The following RGS22 variants were observed in gnomAD, a reference collection of about 807,000 sequenced individuals.
RGS22 encodes regulator of G-protein signaling 22.
In RGS22, 148 loss-of-function variants were observed where a neutral mutation model predicts 172.9. That is an observed-to-expected ratio of 0.86 (90% CI 0.75 to 0.98). The LOEUF (loss-of-function observed/expected upper bound fraction) is 0.98. Among genes scored for constraint, RGS22 ranks in the 50% least tolerant of loss-of-function variants. The pLI is 0.00. For synonymous variants in RGS22, 458 were observed against 480.2 expected, an observed-to-expected ratio of 0.95 and a Z score of 0.60; for missense variants, 1,347 against 1,440.8, an observed-to-expected ratio of 0.93 and a Z score of 1.05.
intron 13 of RGS22, 137 bp from the exon 14 acceptor site, chr8:100,039,169 T>C: frequency 4.3e-6 from 2 of 465,222 alleles, no homozygotes; most frequent in Non-Finnish European, 7.6e-6. Flanking sequence ...GGTTTTAATC[T>C]TCTATCACAA....
chr8:100,013,752 C>T (rs1816664204), intron 14 of RGS22, among the ~76,000 whole-genome samples: 1 of 152,160 alleles, frequency 6.6e-6, no homozygotes, highest in Non-Finnish European at 1.5e-5. Flanking sequence ...ACCTTCAGCA[C>T]AATCTGAAGG....
intron 4 of RGS22, among the ~76,000 whole-genome samples, chr8:100,078,438 ATAT>A (rs1364102283): frequency 1.3e-5 from 2 of 150,388 alleles, no homozygotes; most frequent in Non-Finnish European, 3.0e-5. Flanking sequence ...TTAATCATAT[ATAT>A]TATATGATTA....
chr8:100,007,406 G>A (rs1173504517), intron 15 of RGS22, among the ~76,000 whole-genome samples: 2 of 152,108 alleles, frequency 1.3e-5, no homozygotes, highest in Non-Finnish European at 2.9e-5. Flanking sequence ...TTCAAGCATT[G>A]AGGCTTAAAA....
chr8:100,054,111 A>T (rs1050879217), intron 9 of RGS22, among the ~76,000 whole-genome samples: 8 of 152,188 alleles, frequency 5.3e-5, no homozygotes, highest in Non-Finnish European at 8.8e-5. Flanking sequence ...TATTAAGGCC[A>T]CACTTAATTG....
At chr8:100,053,122 A>G in intron 9 of RGS22, 146 bp from the exon 10 acceptor site, 2 of 705,476 alleles carry the variant, frequency 2.8e-6, no homozygotes, top group South Asian at 2.0e-5. Flanking sequence ...TCTCTACTAC[A>G]TAGCCTTGAA....
intron 17 of RGS22, among the ~76,000 whole-genome samples, chr8:100,003,434 GA>G (rs956408185): frequency 3.3e-5 from 5 of 151,856 alleles, no homozygotes; most frequent in South Asian, 4.2e-4. Flanking sequence ...ATATTAATAG[GA>G]AAAAAATATA....
Position 100,062,647 on chromosome 8 carries a change from ATTCCAC to A in RGS22, c.1452_1457del (p.Gln484_Asn486delinsHis). On this transcript the variant is annotated inframe_deletion, in exon 9 of 28. Coordinates refer to ENST00000360863, the MANE Select transcript of RGS22 (RefSeq NM_015668.5). Reference sequence around the variant, plus strand: ...ACTGAATATTTCTTAAATGCTCTTCATTCCACTGTGATCCATCTAACAGTTTAAATT... The same window carrying A: ...ACTGAATATTTCTTAAATGCTCTTCATGTGATCCATCTAACAGTTTAAATT... The A allele has an allele frequency of 1.2e-6, 2 of 1,606,834 alleles. No individual in the cohort carries two copies. The highest frequency in any genetic ancestry group is 8.5e-7 in the Non-Finnish European group (1 of 1,174,946).
chr8:100,091,294 CAAAAAAA>C, intron 3 of RGS22, among the ~76,000 whole-genome samples: 1 of 67,310 alleles, frequency 1.5e-5, no homozygotes, highest in South Asian at 4.7e-4. Context: ...AGAGGAACTC[CAAAAAAA>C]AAAAAAAAAG....
intron 8 of RGS22, 42 bp from the exon 9 acceptor site, chr8:100,062,794 T>C (rs1323755633): frequency 1.4e-6 from 2 of 1,477,364 alleles, no homozygotes; most frequent in South Asian, 1.2e-5. Context: ...CACACATTGG[T>C]AGAATATTCA....
intron 3 of RGS22, among the ~76,000 whole-genome samples, chr8:100,092,721 C>T (rs1258748200): frequency 4.6e-5 from 7 of 152,140 alleles, no homozygotes; most frequent in African/African-American, 1.4e-4. Flanking sequence ...TTATACATTA[C>T]CCAATCTCAG....
intron 23 of RGS22, among the ~76,000 whole-genome samples, chr8:99,969,615 A>T (rs1426413819): frequency 3.9e-5 from 6 of 152,162 alleles, no homozygotes; most frequent in Non-Finnish European, 7.3e-5. Context: ...CAACCAACAA[A>T]GATCAAAAAA....
At chr8:99,976,396 C>G (rs1213422846) in intron 23 of RGS22, among the ~76,000 whole-genome samples, 2 of 152,004 alleles carry the variant, frequency 1.3e-5, no homozygotes, top group African/African-American at 4.8e-5. Flanking sequence ...GAGTCTTGCT[C>G]TGTTGCCCAG....
At chr8:100,084,838 A>C (rs1586247520) in intron 3 of RGS22, among the ~76,000 whole-genome samples, 1 of 152,384 alleles carries the variant, frequency 6.6e-6, no homozygotes, top group Non-Finnish European at 1.5e-5. Context: ...TTGAAGGAAC[A>C]AGTACATGAT....
chr8:100,084,301 T>C (rs1812005979), intron 3 of RGS22, among the ~76,000 whole-genome samples: 1 of 152,206 alleles, frequency 6.6e-6, no homozygotes, highest in African/African-American at 2.4e-5. Flanking sequence ...CGTATGCACT[T>C]ACAAAAATAC....
intron 3 of RGS22, among the ~76,000 whole-genome samples, chr8:100,086,068 C>G (rs1812137851): frequency 6.6e-6 from 1 of 151,898 alleles, no homozygotes; most frequent in African/African-American, 2.4e-5. Context: ...AATGAACAGG[C>G]AATGTCAGGT....
intron 3 of RGS22, among the ~76,000 whole-genome samples, chr8:100,084,023 G>C (rs1811979352): frequency 6.6e-6 from 1 of 151,508 alleles, no homozygotes; most frequent in Non-Finnish European, 1.5e-5. Context: ...TTTTTTAGTA[G>C]AGACGGGGTT....
intron 3 of RGS22, among the ~76,000 whole-genome samples, chr8:100,089,659 T>C (rs996970088): frequency 6.6e-6 from 1 of 152,132 alleles, no homozygotes; most frequent in Non-Finnish European, 1.5e-5. Flanking sequence ...TTTAACTCTA[T>C]TCAAAGAAAC....
chr8:100,074,864 T>C (rs542147373), intron 4 of RGS22, among the ~76,000 whole-genome samples: 1 of 152,110 alleles, frequency 6.6e-6, no homozygotes, highest in Non-Finnish European at 1.5e-5. Context: ...GCCTCCCAGG[T>C]TCACGCCATT....
rs1177380000 is a variant in RGS22, at chr8:100,008,440, T to C, written c.2296A>G (p.Ile766Val). 1 of 1,613,658 alleles carries C rather than the reference T, an allele frequency of 6.2e-7. No individual in the cohort carries two copies. The highest frequency in any genetic ancestry group is 8.5e-7 in the Non-Finnish European group (1 of 1,179,892). ...EDLFDTAEEYILLLLLEPWTK... is the reference protein window; with the variant it reads ...EDLFDTAEEYVLLLLLEPWTK... ...CATGGCTCAAGAAGGAGGAGAAGGA[T>C]ATATTCCTCTGCTGTGTCAAAAAGG... The change falls in exon 15 of 28, where the codon ATC becomes GTC. Residue 766 changes from isoleucine (I) to valine (V), a missense_variant. By Grantham distance (29) the Ile-to-Val change is conservative. Coordinates refer to ENST00000360863, the MANE Select transcript of RGS22 (RefSeq NM_015668.5).
Sources: gnomAD v4.1 joint callset for allele counts (sites outside exome capture counted in the v4.1 genomes callset) on GRCh38, gnomAD v4.1.1 for gene constraint, MANE v1.5 for transcripts, NCBI Gene and HGNC (gene_info 2026-07-23, HGNC 2026-07-21) for gene names.